Variants in SNAP25 observed in about 807,000 individuals in gnomAD.
SNAP25 encodes the protein synaptosomal-associated protein 25.
SNAP25 carries 3 observed loss-of-function variants against 28.7 expected under a neutral mutation model. The ratio of observed to expected loss-of-function variants is 0.10; its 90% CI spans 0.05 to 0.27. The LOEUF (loss-of-function observed/expected upper bound fraction) is 0.27, where lower values mean the gene tolerates loss of function less well. Among genes scored for constraint, SNAP25 ranks in the 10% least tolerant of loss-of-function variants. The pLI is 1.00. For synonymous variants in SNAP25, 61 were observed against 88.1 expected (o/e 0.69, Z 1.72); for missense variants, 117 against 278.7 (o/e 0.42, Z 4.13).
chr20:10,266,607 G>C (rs1351967481), intron 1 of SNAP25, among the ~76,000 whole-genome samples: 3 of 152,216 alleles, frequency 2.0e-5, no homozygotes, highest in African/African-American at 7.2e-5. Context: ...ATGAATATTT[G>C]ATTGGATTGA....
At chr20:10,288,272 G>A (rs1258920260) in intron 4 of SNAP25, among the ~76,000 whole-genome samples, 1 of 151,948 alleles carries the variant, frequency 6.6e-6, no homozygotes, top group African/African-American at 2.4e-5. Context: ...TCATGTGGGT[G>A]GAAAAAGAGA....
At chr20:10,232,208 C>T (rs1036865679) in intron 1 of SNAP25, among the ~76,000 whole-genome samples, 6 of 152,186 alleles carry the variant, frequency 3.9e-5, no homozygotes, top group Non-Finnish European at 7.3e-5. Context: ...GCGATTTGTA[C>T]TCTCTGGACT....
At chr20:10,242,901 T>C (rs3025859) in intron 1 of SNAP25, among the ~76,000 whole-genome samples, 40,131 of 152,204 alleles carry the variant, frequency 0.26, 5,637 homozygotes, top group Middle Eastern at 0.4. Context: ...ACCAAAGGTA[T>C]CTGATCCTGT....
chr20:10,221,314 A>G (rs1423921084), intron 1 of SNAP25, among the ~76,000 whole-genome samples: 2 of 152,266 alleles, frequency 1.3e-5, no homozygotes, highest in African/African-American at 2.4e-5. Flanking sequence ...GAGAGGAAGA[A>G]GCAATGTGCA....
chr20:10,284,016 A>G (rs1210985020), intron 3 of SNAP25, among the ~76,000 whole-genome samples: 1 of 152,194 alleles, frequency 6.6e-6, no homozygotes, highest in Non-Finnish European at 1.5e-5. Flanking sequence ...GCACAGAAGA[A>G]TTTCTGTAAA....
Position 10,275,554 on chromosome 20 carries a change from G to A in SNAP25, c.63G>A (p.Leu21=), listed in dbSNP as rs759110709. ...AGATGCAGCGAAGGGCTGACCAGTT[G>A]GCTGATGAGGTAAGGAGTGGAGACC... The part of the protein sequence containing the change: ...LEEMQRRADQ[L]ADESLESTRR... The change falls in exon 2 of 8, where the codon TTG becomes TTA. Residue 21 remains leucine, a synonymous_variant. Transcript: ENST00000254976. The A allele has an allele frequency of 6.3e-7, 1 of 1,598,862 alleles. No individual in the cohort carries two copies. Among genetic ancestry groups the A allele is most frequent in the Non-Finnish European group, 8.5e-7 (1 of 1,171,652 alleles).
chr20:10,246,464 G>T (rs182448475), intron 1 of SNAP25, among the ~76,000 whole-genome samples: 1 of 152,120 alleles, frequency 6.6e-6, no homozygotes, highest in Non-Finnish European at 1.5e-5. Flanking sequence ...TATCTAAAAC[G>T]TCTTATGGAG....
chr20:10,245,519 A>G (rs929290071), intron 1 of SNAP25, among the ~76,000 whole-genome samples: 1 of 152,218 alleles, frequency 6.6e-6, no homozygotes, highest in African/African-American at 2.4e-5. Context: ...ATTTGGGGTA[A>G]GTGAATGTTC....
At chr20:10,238,836 C>T (rs1006161637) in intron 1 of SNAP25, among the ~76,000 whole-genome samples, 1 of 151,782 alleles carries the variant, frequency 6.6e-6, no homozygotes, top group African/African-American at 2.4e-5. Flanking sequence ...ACCTGGGAGG[C>T]AGAGGTTGCG....
intron 1 of SNAP25, among the ~76,000 whole-genome samples, chr20:10,269,439 A>T (rs552589158): frequency 6.6e-6 from 1 of 152,146 alleles, no homozygotes; most frequent in African/African-American, 2.4e-5. Flanking sequence ...GTTCCAGAAA[A>T]CACTAACCCC....
intron 7 of SNAP25, among the ~76,000 whole-genome samples, 161 bp from the exon 8 acceptor site, chr20:10,305,968 C>T (rs1028771399): frequency 6.6e-6 from 1 of 151,360 alleles, no homozygotes; most frequent in Non-Finnish European, 1.5e-5. Context: ...TCAAATAGAG[C>T]CATAGCCGTC....
chr20:10,298,111 T>C (rs1003082567), intron 6 of SNAP25, among the ~76,000 whole-genome samples: 4 of 152,110 alleles, frequency 2.6e-5, no homozygotes, highest in African/African-American at 7.2e-5. Flanking sequence ...GGGGAGACTT[T>C]TTTTTCTTTT....
At chr20:10,225,012 T>G (rs944165635) in intron 1 of SNAP25, among the ~76,000 whole-genome samples, 3 of 152,012 alleles carry the variant, frequency 2.0e-5, no homozygotes, top group Non-Finnish European at 4.4e-5. Context: ...AAAGTAACAT[T>G]CCTGTGTGAC....
chr20:10,246,450 C>T (rs190237569), intron 1 of SNAP25, among the ~76,000 whole-genome samples: 84 of 152,250 alleles, frequency 5.5e-4, no homozygotes, highest in African/African-American at 1.6e-3. Context: ...GAAATTTTGA[C>T]GTTTATCTAA....
intron 7 of SNAP25, 101 bp from the exon 8 acceptor site, chr20:10,306,028 T>A: frequency 1.9e-6 from 2 of 1,035,188 alleles, no homozygotes; most frequent in Middle Eastern, 4.1e-4. Flanking sequence ...AAGGAGGTTT[T>A]AAGTGGTTTC....
At chr20:10,284,617 C>A in intron 3 of SNAP25, 107 bp from the exon 4 acceptor site, 1 of 865,490 alleles carries the variant, frequency 1.2e-6, no homozygotes, top group Non-Finnish European at 1.9e-6. Context: ...TCTTTTGGTC[C>A]TTCTTCATTT....
intron 1 of SNAP25, among the ~76,000 whole-genome samples, chr20:10,230,646 C>A (rs967205350): frequency 6.6e-6 from 1 of 152,122 alleles, no homozygotes; most frequent in African/African-American, 2.4e-5. Flanking sequence ...AGTTTGAGAA[C>A]CACTGCCCTA....
intron 1 of SNAP25, among the ~76,000 whole-genome samples, chr20:10,267,540 TTTTG>T (rs35090084): frequency 0.43 from 64,554 of 151,562 alleles, 14,079 homozygotes; most frequent in African/African-American, 0.48. Flanking sequence ...TCTCCAGGTT[TTTTG>T]TTTGTTTGTT....
In SNAP25 at chr20:10,275,450, T is replaced by C. The variant is rs769929591; in HGVS notation, c.-42T>C. The C allele has an allele frequency of 1.9e-6, 3 of 1,562,980 alleles. No homozygotes were observed. In the East Asian group the frequency reaches 6.9e-5, roughly 36 times the overall value. ...CCAGGTCCAGAGCCAAACCCGTCAC[T>C]GACCCCCCAGCCCAGGCGCCCAGCC... is the stretch of plus-strand genomic sequence containing the variant. On this transcript the variant is annotated 5_prime_UTR_variant, in exon 2 of 8. Transcript: ENST00000254976.
Sources: allele counts gnomAD v4.1 joint callset (sites outside exome capture counted in the v4.1 genomes callset), GRCh38; gene constraint gnomAD v4.1.1; transcripts MANE v1.5; gene names NCBI Gene and HGNC (gene_info 2026-07-23, HGNC 2026-07-21).